The following BBOF1 variants were observed in gnomAD, a reference collection of about 807,000 sequenced individuals.
BBOF1 encodes basal body-orientation factor 1.
A neutral mutation model predicts 68.0 loss-of-function variants in BBOF1; 62 were observed. The ratio of observed to expected loss-of-function variants is 0.91; its 90% CI spans 0.74 to 1.13. The LOEUF is 1.13. Ranked by LOEUF, BBOF1 falls within the 50% of genes most tolerant of loss-of-function variation. BBOF1 has a pLI of 0.00. For missense variants in BBOF1, 534 were observed against 600.1 expected (o/e 0.89, Z 1.15); for synonymous variants, 208 against 198.8 (o/e 1.05, Z -0.39).
chr14:74,074,918 C>T lies in BBOF1; in HGVS notation n.1380-3278C>T, dbSNP rs770059901. On this transcript the variant is annotated intron_variant and non_coding_transcript_variant, in intron 9 of 12. Coordinates refer to the BBOF1 transcript ENST00000492026. ...AGATACCCAAAACTATACTGAATTC[C>T]TTCTCAGAAGTCAACCTCTATGCCA... 3 of 1,597,666 alleles carry T rather than the reference C, an allele frequency of 1.9e-6. No homozygotes were observed. In the Admixed American group the frequency reaches 5.0e-5, roughly 27 times the overall value.
chr14:74,050,242 C>T (rs773944755), intron 8 of BBOF1, 47 bp downstream of exon 8: 2 of 1,501,140 alleles, frequency 1.3e-6, no homozygotes, highest in Admixed American at 2.3e-5. Context: ...ATTTTTGTGT[C>T]CTTTACAGAA....
chr14:74,074,978 C>CTGAA (rs2060596267), intron 9 of BBOF1: 1 of 1,614,056 alleles, frequency 6.2e-7, no homozygotes, highest in East Asian at 2.2e-5. Context: ...AAGGAAGATG[C>CTGAA]TGAATACCAG....
intron 9 of BBOF1, chr14:74,075,040 T>G (rs748583485): frequency 6.2e-7 from 1 of 1,611,166 alleles, no homozygotes. Context: ...AGAACGATTA[T>G]TTTGATAAAT....
At chr14:74,054,379 TTTG>T (rs1284338884) in intron 8 of BBOF1, among the ~76,000 whole-genome samples, 2 of 150,966 alleles carry the variant, frequency 1.3e-5, no homozygotes, top group African/African-American at 2.4e-5. Context: ...TACAGTTTTT[TTTG>T]TTGTTTTTTT....
intron 9 of BBOF1, among the ~76,000 whole-genome samples, chr14:74,077,360 G>A (rs1000288820): frequency 1.8e-4 from 28 of 152,044 alleles, no homozygotes; most frequent in African/African-American, 6.5e-4. Flanking sequence ...ATCTTATTCC[G>A]TTTTGTGTTG....
rs757503818 is a variant in BBOF1 at position 74,055,579 on chromosome 14, T to C, written c.1287-5T>C. The C allele has an allele frequency of 3.2e-5, 51 of 1,602,176 alleles. No individual in the cohort carries two copies. In the South Asian group the frequency reaches 5.6e-4, roughly 18 times the overall value. On this transcript the variant is annotated splice_polypyrimidine_tract_variant and splice_region_variant and intron_variant, in intron 8 of 11. Coordinates refer to ENST00000394009, the MANE Select transcript of BBOF1 (RefSeq NM_025057.3). ...TTCACATTTTTTTCCTTTGAAATTCTTTAGGACACATATTGAAGGAAATGT... is the reference window on the plus strand; with the variant it reads ...TTCACATTTTTTTCCTTTGAAATTCCTTAGGACACATATTGAAGGAAATGT...
intron 3 of BBOF1, among the ~76,000 whole-genome samples, chr14:74,030,436 A>G (rs760207063): frequency 9.9e-5 from 15 of 152,100 alleles, no homozygotes; most frequent in African/African-American, 2.7e-4. Context: ...AGTTTTGCCT[A>G]TAAAATTAAG....
chr14:74,045,011 A>G (rs1024418972), intron 5 of BBOF1, among the ~76,000 whole-genome samples: 1 of 152,126 alleles, frequency 6.6e-6, no homozygotes, highest in Non-Finnish European at 1.5e-5. Flanking sequence ...TAGGATTACA[A>G]ACATGAGCGA....
At chr14:74,070,084 G>A (rs997746645), downstream of BBOF1, among the ~76,000 whole-genome samples, 4 of 151,748 alleles carry the variant, frequency 2.6e-5, no homozygotes, top group Non-Finnish European at 2.9e-5. Flanking sequence ...CAAGTGATCC[G>A]CCTGCCTTCA....
intron 7 of BBOF1, 99 bp from the exon 8 acceptor site, chr14:74,049,603 A>G: frequency 1.0e-6 from 1 of 980,726 alleles, no homozygotes; most frequent in Non-Finnish European, 1.5e-6. Flanking sequence ...TGGAGGTTGC[A>G]GTGAGCTGAG....
intron 9 of BBOF1, 69 bp from the exon 10 acceptor site, chr14:74,056,837 A>G: frequency 9.4e-7 from 1 of 1,066,578 alleles, no homozygotes; most frequent in East Asian, 2.5e-5. Context: ...TAAAATACAA[A>G]AAGAAAATAT....
At chr14:74,057,840 A>G (rs1441831172) in intron 11 of BBOF1, 2 of 1,034,662 alleles carry the variant, frequency 1.9e-6, no homozygotes, top group African/African-American at 3.5e-5. Flanking sequence ...AACTCTGAGC[A>G]GCAAATAGTT....
downstream of BBOF1, among the ~76,000 whole-genome samples, chr14:74,070,381 C>T (rs1430803621): frequency 1.3e-5 from 2 of 151,894 alleles, no homozygotes; most frequent in Non-Finnish European, 2.9e-5. Flanking sequence ...TAGTGGGGCA[C>T]GGTGGCGCAT....
downstream of BBOF1, chr14:74,071,018 CCAAT>C (rs1289434944): frequency 8.2e-5 from 56 of 682,364 alleles, no homozygotes; most frequent in African/African-American, 9.0e-4. Flanking sequence ...CTGCTATTCC[CCAAT>C]CAGTTACCTT....
chr14:74,065,422 T>C lies in BBOF1; in HGVS notation c.*723T>C. 1 of 1,479,078 alleles carries C rather than the reference T, an allele frequency of 6.8e-7. No homozygotes were observed. Among genetic ancestry groups the C allele is most frequent in the Non-Finnish European group, 9.4e-7 (1 of 1,069,308 alleles). The allele number at this position is 1,479,078 out of a possible 1,614,324, so 91.6% of individuals were successfully genotyped here. A position where few individuals can be genotyped will look rare whatever the true frequency, so the allele number is the denominator to read the frequency against. On this transcript the variant is annotated 3_prime_UTR_variant, in exon 12 of 12. Transcript: ENST00000394009. ...TTTTGGATTCTGAGTATTTTATGCT[T>C]ATTTGGTACTTTCACTTACTACACA...
intron 9 of BBOF1, 152 bp from the exon 10 acceptor site, chr14:74,056,754 A>G (rs2060218994): frequency 6.5e-6 from 4 of 616,174 alleles, no homozygotes; most frequent in Non-Finnish European, 8.7e-6. Context: ...GCATGCCTGT[A>G]TCAAAACATC....
Position 74,064,747 on chromosome 14 carries a change from G to A in BBOF1, c.*48G>A, listed in dbSNP as rs370443618. Reference sequence around the variant, plus strand: ...AGATGCTGCTGGCAGTCCCTTCCTTGCAGAATCCTTGCTCCTGAATATCTT... The same window carrying A: ...AGATGCTGCTGGCAGTCCCTTCCTTACAGAATCCTTGCTCCTGAATATCTT... On this transcript the variant is annotated 3_prime_UTR_variant, in exon 12 of 12. Coordinates refer to ENST00000394009, the MANE Select transcript of BBOF1 (RefSeq NM_025057.3). 1.4e-5 allele frequency: 23 copies of A among 1,611,708 alleles called. No individual in the cohort carries two copies. The highest frequency in any genetic ancestry group is 1.8e-5 in the Non-Finnish European group (21 of 1,177,936).
chr14:74,046,016 T>C, intron 5 of BBOF1, 44 bp from the exon 6 acceptor site: 1 of 1,524,498 alleles, frequency 6.6e-7, no homozygotes, highest in East Asian at 2.3e-5. Flanking sequence ...GTAAAATTTG[T>C]TGTTAGGGGC....
At chr14:74,060,680 A>G in intron 11 of BBOF1, 1 of 1,613,974 alleles carries the variant, frequency 6.2e-7, no homozygotes, top group Non-Finnish European at 8.5e-7. Context: ...GCAGGTGAGG[A>G]AAGAGTAGCA....
Sources: allele counts gnomAD v4.1 joint callset (sites outside exome capture counted in the v4.1 genomes callset), GRCh38; gene constraint gnomAD v4.1.1; transcripts MANE v1.5; gene names NCBI Gene and HGNC (gene_info 2026-07-23, HGNC 2026-07-21).